The following LAMC1 variants were observed in gnomAD, a reference collection of about 807,000 sequenced individuals.
LAMC1 encodes the protein laminin subunit gamma-1.
Under a neutral mutation model 173.6 loss-of-function variants are expected in LAMC1, and 38 were observed. The ratio of observed to expected loss-of-function variants is 0.22; its 90% CI spans 0.17 to 0.29. The LOEUF (loss-of-function observed/expected upper bound fraction) is 0.29, where lower values mean the gene tolerates loss of function less well. Among genes scored for constraint, LAMC1 ranks in the 10% least tolerant of loss-of-function variants. The pLI is 1.00. For synonymous variants in LAMC1, 746 were observed against 749.1 expected (o/e 1.00, Z 0.07); for missense variants, 1,824 against 2,051.8 (o/e 0.89, Z 2.14).
At chr1:183,064,338 C>T (rs1040829772) in intron 1 of LAMC1, among the ~76,000 whole-genome samples, 1 of 152,088 alleles carries the variant, frequency 6.6e-6, no homozygotes, top group Non-Finnish European at 1.5e-5. Flanking sequence ...ACGGGATGGC[C>T]TATTGGTCCT....
intron 1 of LAMC1, among the ~76,000 whole-genome samples, chr1:183,042,279 T>C (rs1654157094): frequency 1.3e-5 from 2 of 152,142 alleles, no homozygotes; most frequent in Admixed American, 1.3e-4. Flanking sequence ...GCCCCTGTGC[T>C]TTCCAATTGG....
Position 183,062,975 on chromosome 1 carries a change from G to A in LAMC1, c.418+38841G>A, listed in dbSNP as rs182755474. Among the ~76,000 whole-genome samples the A allele has an allele frequency of 3.7e-4, 57 of 152,176 alleles. No homozygotes were observed. In the East Asian group the frequency reaches 0.01, roughly 28 times the overall value. On this transcript the variant is annotated intron_variant, in intron 1 of 27. Coordinates refer to ENST00000258341, the MANE Select transcript of LAMC1 (RefSeq NM_002293.4). ...TATCAAAAAATAATAATAAAAAAAA[G>A]TAGTATTACTAATCATATTTAGTGA...
intron 1 of LAMC1, 106 bp from the exon 2 acceptor site, chr1:183,103,222 C>T (rs929958521): frequency 6.5e-6 from 7 of 1,076,858 alleles, no homozygotes; most frequent in Non-Finnish European, 9.6e-6. Context: ...TTGATGTGTA[C>T]AAGGAGATTT....
At chr1:183,076,599 C>T (rs1005525899) in intron 1 of LAMC1, among the ~76,000 whole-genome samples, 4 of 152,178 alleles carry the variant, frequency 2.6e-5, no homozygotes, top group African/African-American at 7.2e-5. Context: ...CTAGTTCTTC[C>T]CCCTCACACC....
intron 1 of LAMC1, among the ~76,000 whole-genome samples, chr1:183,027,450 T>A (rs1653720017): frequency 6.6e-6 from 1 of 152,180 alleles, no homozygotes; most frequent in Non-Finnish European, 1.5e-5. Context: ...GGATTTGCCT[T>A]TTATCAAACA....
At chr1:183,086,354 GT>G (rs1444034305) in intron 1 of LAMC1, among the ~76,000 whole-genome samples, 2 of 152,326 alleles carry the variant, frequency 1.3e-5, no homozygotes, top group African/African-American at 4.8e-5. Flanking sequence ...TAGTTCCACT[GT>G]TTTGTAAATT....
chr1:183,072,283 T>C lies in LAMC1; in HGVS notation c.419-31045T>C, dbSNP rs558355736. 2.5e-3 allele frequency among the ~76,000 whole-genome samples: 382 copies of C among 152,324 alleles called. 4 individuals are homozygous for C. Among genetic ancestry groups the C allele is most frequent in the African/African-American group, 7.9e-3 (328 of 41,574 alleles). On this transcript the variant is annotated intron_variant, in intron 1 of 27. Transcript: ENST00000258341. ...AACACATTCCAAAGACGATGAGGCA[T>C]GGGGACATTTAATTCAAGTGTTCGT...
intron 16 of LAMC1, among the ~76,000 whole-genome samples, chr1:183,126,592 G>A (rs1429336066): frequency 1.3e-5 from 2 of 152,126 alleles, no homozygotes; most frequent in African/African-American, 4.8e-5. Context: ...TGCATTCTTA[G>A]TGCAGATAAT....
Position 183,110,513 on chromosome 1 carries a change from G to A in LAMC1, c.880G>A (p.Glu294Lys), listed in dbSNP as rs1215076927. 10 of 1,612,998 alleles carry A rather than the reference G, an allele frequency of 6.2e-6. 1 individual carries two copies. Among genetic ancestry groups the A allele is most frequent in the South Asian group, 5.5e-5 (5 of 90,874 alleles). Residue 294 changes from glutamate (E) to lysine (K), a missense_variant, in exon 4 of 28, where the codon GAG (glutamate) becomes AAG (lysine). Glu to Lys is a moderately conservative substitution (Grantham distance 56). Transcript: ENST00000258341. Reference sequence around the variant, plus strand: ...ATGTAAATGTAATGGACACGCAAGCGAGTGTATGAAGAACGAATTTGATAA... The same window carrying A: ...ATGTAAATGTAATGGACACGCAAGCAAGTGTATGAAGAACGAATTTGATAA... Reference protein sequence around the residue: ...GRCKCNGHASECMKNEFDKLV... With the variant: ...GRCKCNGHASKCMKNEFDKLV...
intron 1 of LAMC1, among the ~76,000 whole-genome samples, chr1:183,077,776 G>GTGTGTGTGTA: frequency 2.2e-4 from 26 of 116,538 alleles, no homozygotes; most frequent in South Asian, 3.0e-4. Context: ...TGGCCATTGT[G>GTGTGTGTGTA]TATATATATA....
chr1:183,105,066 A>G (rs1328995010), intron 2 of LAMC1, among the ~76,000 whole-genome samples: 1 of 150,906 alleles, frequency 6.6e-6, no homozygotes, highest in East Asian at 1.9e-4. Context: ...AAAAAAAAAA[A>G]AAAGTTAGTT....
rs1048781890 is a variant in LAMC1 at position 183,068,669 on chromosome 1, C to T, written c.419-34659C>T. On this transcript the variant is annotated intron_variant, in intron 1 of 27. Transcript: ENST00000258341. ...AGAAAAGTGACACATGGGCTGGGCA[C>T]GGTAGCTCATGCCTGTAATCCCAGC... Among the ~76,000 whole-genome samples, 7 of 152,162 alleles carry T rather than the reference C, an allele frequency of 4.6e-5. No individual in the cohort carries two copies. The South Asian group carries it at 1.0e-3, about 23-fold the overall frequency.
intron 1 of LAMC1, among the ~76,000 whole-genome samples, chr1:183,083,541 T>A (rs1655343092): frequency 6.6e-6 from 1 of 152,232 alleles, no homozygotes; most frequent in Non-Finnish European, 1.5e-5. Flanking sequence ...TCTTGTTTCT[T>A]TTGAATCATA....
intron 24 of LAMC1, 45 bp from the exon 25 acceptor site, chr1:183,136,341 A>T: frequency 6.4e-7 from 1 of 1,551,258 alleles, no homozygotes. Flanking sequence ...CCCCCTTTTT[A>T]CTTGTTGGGA....
chr1:183,086,157 A>G (rs749794764), intron 1 of LAMC1, among the ~76,000 whole-genome samples: 17 of 152,222 alleles, frequency 1.1e-4, no homozygotes, highest in Non-Finnish European at 2.4e-4. Context: ...ATTTTTGTGG[A>G]AAGAAGGAAA....
intron 1 of LAMC1, among the ~76,000 whole-genome samples, chr1:183,040,064 G>T (rs894520523): frequency 6.6e-6 from 1 of 152,140 alleles, no homozygotes; most frequent in African/African-American, 2.4e-5. Flanking sequence ...AACTAGATTC[G>T]GACTTCTTCA....
chr1:183,121,793 G>A lies in LAMC1; in HGVS notation c.2061G>A (p.Val687=), dbSNP rs1448875494. The A allele has an allele frequency of 4.3e-6, 7 of 1,614,182 alleles. No individual in the cohort carries two copies. Among genetic ancestry groups the A allele is most frequent in the Non-Finnish European group, 5.1e-6 (6 of 1,180,026 alleles). ...GGCCTGGAGTCCCTGCAACTTGGGT[G>A]GAGTCCTGCACCTGTCCTGTGGGAT... is the stretch of plus-strand genomic sequence containing the variant. The part of the protein sequence containing the change: ...RPGPGVPATW[V]ESCTCPVGYG... Residue 687 remains valine, a synonymous_variant, in exon 12 of 28, where the codon GTG becomes GTA. Transcript: ENST00000258341.
chr1:183,079,232 GTTTTTTTTTTTTTTTTTTTTTTTTTT>G (rs796732672), intron 1 of LAMC1, among the ~76,000 whole-genome samples: 115 of 62,838 alleles, frequency 1.8e-3, no homozygotes, highest in African/African-American at 5.5e-3. Context: ...CTCTAATCTG[GTTTTTTTTTTTTTTTTTTTTTTTTTT>G]TTTTTTTTTT....
intron 1 of LAMC1, among the ~76,000 whole-genome samples, chr1:183,063,400 T>C (rs1654788733): frequency 6.6e-6 from 1 of 152,140 alleles, no homozygotes; most frequent in African/African-American, 2.4e-5. Flanking sequence ...ACAAAGCAAA[T>C]GAAAATAAGT....
Sources: allele counts gnomAD v4.1 joint callset (sites outside exome capture counted in the v4.1 genomes callset), GRCh38; gene constraint gnomAD v4.1.1; transcripts MANE v1.5; gene names NCBI Gene and HGNC (gene_info 2026-07-23, HGNC 2026-07-21).